The following FGD4 variants were observed in gnomAD, a reference collection of about 807,000 sequenced individuals.
FGD4 encodes the protein FYVE, RhoGEF and PH domain containing 4, also known as FYVE, RhoGEF and PH domain-containing protein 4.
Under a neutral mutation model 102.0 loss-of-function variants are expected in FGD4, and 42 were observed. The ratio of observed to expected loss-of-function variants is 0.41; its 90% CI spans 0.32 to 0.53. FGD4 has a LOEUF of 0.53. Ranked by LOEUF, FGD4 falls within the 20% of genes least tolerant of loss-of-function variation. FGD4 has a pLI of 0.21. For synonymous variants in FGD4, 380 were observed against 375.7 expected, an observed-to-expected ratio of 1.01 and a Z score of -0.13; for missense variants, 902 against 1,078.2, an observed-to-expected ratio of 0.84 and a Z score of 2.29.
chr12:32,471,727 T>C (rs148649731), intron 1 of FGD4, among the ~76,000 whole-genome samples: 1 of 152,238 alleles, frequency 6.6e-6, no homozygotes, highest in East Asian at 1.9e-4. Flanking sequence ...CTTGGATGGG[T>C]GCTCAGCTGG....
At chr12:32,519,034 G>A (rs1360964334) in intron 1 of FGD4, among the ~76,000 whole-genome samples, 1 of 143,964 alleles carries the variant, frequency 6.9e-6, no homozygotes, top group East Asian at 2.1e-4. Context: ...AGAATCGCTT[G>A]AACCAGGGAG....
intron 7 of FGD4, among the ~76,000 whole-genome samples, chr12:32,602,564 A>C (rs753438765): frequency 1.3e-4 from 20 of 152,174 alleles, no homozygotes; most frequent in Non-Finnish European, 2.5e-4. Context: ...GGTCTACATA[A>C]ATTTACAAAA....
rs544870666 is a variant in FGD4, at chr12:32,472,546, C to T, written c.166+72587C>T. Among the ~76,000 whole-genome samples the T allele has an allele frequency of 3.9e-5, 6 of 152,384 alleles. No homozygotes were observed. In the South Asian group the frequency reaches 1.2e-3, roughly 32 times the overall value. On this transcript the variant is annotated intron_variant, in intron 1 of 16. Transcript: ENST00000534526. ...CTTTCCACGGGGCAGGGCTCGGGAC[C>T]TGCAGCCCGCCATGCCTGAGCCTCC...
chr12:32,504,037 T>C (rs184977196), intron 1 of FGD4, among the ~76,000 whole-genome samples: 1 of 152,320 alleles, frequency 6.6e-6, no homozygotes, highest in East Asian at 1.9e-4. Flanking sequence ...CTTTTTGTTA[T>C]TGAGTTAAAG....
In FGD4 at chr12:32,519,144, C is replaced by T. The variant is rs535830938; in HGVS notation, c.167-44993C>T. On this transcript the variant is annotated intron_variant, in intron 1 of 16. Transcript: ENST00000534526. ...GAAAAAAAAAAAAAAAAAAAAAAAG[C>T]CTCCCCACCGCCGCCCCCACCATGT... 8.6e-5 allele frequency among the ~76,000 whole-genome samples: 11 copies of T among 127,524 alleles called. No individual in the cohort carries two copies. The East Asian group carries it at 1.7e-3, about 19-fold the overall frequency. 83.7% of individuals were successfully genotyped at this position (127,524 alleles called of 152,430 possible). A position where few individuals can be genotyped will look rare whatever the true frequency, so the allele number is the denominator to read the frequency against.
intron 7 of FGD4, among the ~76,000 whole-genome samples, chr12:32,604,741 G>A (rs906748318): frequency 5.9e-5 from 9 of 152,092 alleles, no homozygotes; most frequent in African/African-American, 2.2e-4. Flanking sequence ...GTGCCACCCT[G>A]ATGGCCCCTT....
chr12:32,486,867 A>C (rs1410962543), intron 1 of FGD4, among the ~76,000 whole-genome samples: 1 of 152,168 alleles, frequency 6.6e-6, no homozygotes, highest in Non-Finnish European at 1.5e-5. Context: ...ATTTTTGTTC[A>C]GTAGGAAGGA....
intron 10 of FGD4, 143 bp from the exon 11 acceptor site, chr12:32,619,555 C>A (rs549305811): frequency 2.3e-6 from 2 of 869,588 alleles, no homozygotes; most frequent in African/African-American, 1.7e-5. Flanking sequence ...TGGCGTGAAC[C>A]CGGGAGGCAG....
intron 1 of FGD4, among the ~76,000 whole-genome samples, chr12:32,451,580 T>G (rs1942775874): frequency 6.6e-6 from 1 of 152,062 alleles, no homozygotes; most frequent in South Asian, 2.1e-4. Flanking sequence ...AAGGTCTTTT[T>G]TTTCTTTGAA....
At chr12:32,635,530 A>C (rs1413064194) in intron 15 of FGD4, among the ~76,000 whole-genome samples, 1 of 152,186 alleles carries the variant, frequency 6.6e-6, no homozygotes, top group Non-Finnish European at 1.5e-5. Context: ...TTTTGTACCA[A>C]CTAGTATGTT....
At chr12:32,428,153 A>G (rs1317511315) in intron 1 of FGD4, among the ~76,000 whole-genome samples, 1 of 152,086 alleles carries the variant, frequency 6.6e-6, no homozygotes, top group Non-Finnish European at 1.5e-5. Context: ...GTTTCTTCAT[A>G]GTATCAATGG....
intron 1 of FGD4, among the ~76,000 whole-genome samples, chr12:32,480,797 C>G (rs1449284725): frequency 6.9e-6 from 1 of 145,908 alleles, no homozygotes; most frequent in Admixed American, 6.9e-5. Flanking sequence ...CCACGCCCGG[C>G]CTTTTTTTTT....
At chr12:32,590,443 C>T (rs1947384918) in intron 4 of FGD4, among the ~76,000 whole-genome samples, 1 of 151,940 alleles carries the variant, frequency 6.6e-6, no homozygotes, top group Non-Finnish European at 1.5e-5. Context: ...CTTGAGACCT[C>T]ATGACCCTTT....
At chr12:32,467,843 C>T (rs919828580) in intron 1 of FGD4, among the ~76,000 whole-genome samples, 4 of 151,996 alleles carry the variant, frequency 2.6e-5, no homozygotes, top group African/African-American at 7.3e-5. Context: ...TGGTGAAACC[C>T]TGTCTCTACT....
chr12:32,450,821 C>T (rs1195091699), intron 1 of FGD4, among the ~76,000 whole-genome samples: 1 of 152,218 alleles, frequency 6.6e-6, no homozygotes, highest in Non-Finnish European at 1.5e-5. Context: ...TCCCTTGCCC[C>T]ATTTGTAACT....
At chr12:32,489,070 T>TA (rs778054592) in intron 1 of FGD4, among the ~76,000 whole-genome samples, 7 of 152,372 alleles carry the variant, frequency 4.6e-5, no homozygotes, top group South Asian at 2.1e-4. Context: ...TGGTTTTTTT[T>TA]ACACCTGTAT....
At chr12:32,465,297 C>T (rs1336029242) in intron 1 of FGD4, among the ~76,000 whole-genome samples, 1 of 151,672 alleles carries the variant, frequency 6.6e-6, no homozygotes, top group Admixed American at 6.6e-5. Flanking sequence ...TGTTTTCTTC[C>T]TTGTCTTAAG....
chr12:32,441,952 TCTC>T (rs1330656961), intron 1 of FGD4, among the ~76,000 whole-genome samples: 1 of 152,018 alleles, frequency 6.6e-6, no homozygotes, highest in Non-Finnish European at 1.5e-5. Flanking sequence ...ATTGTTGTCT[TCTC>T]CTCCAGTGTC....
chr12:32,539,155 A>C (rs1379098471), intron 1 of FGD4, among the ~76,000 whole-genome samples: 2 of 152,224 alleles, frequency 1.3e-5, no homozygotes, highest in Admixed American at 6.5e-5. Flanking sequence ...CCTACATTTA[A>C]GTCATTTCAC....
Sources: allele counts gnomAD v4.1 joint callset (sites outside exome capture counted in the v4.1 genomes callset), GRCh38; gene constraint gnomAD v4.1.1; transcripts MANE v1.5; gene names NCBI Gene and HGNC (gene_info 2026-07-23, HGNC 2026-07-21).